Variants in CCSER1 observed in about 807,000 individuals in gnomAD.
CCSER1 encodes serine-rich coiled-coil domain-containing protein 1.
In CCSER1, 41 loss-of-function variants were observed where a neutral mutation model predicts 82.0. The ratio of observed to expected loss-of-function variants is 0.50; its 90% CI spans 0.39 to 0.65. The LOEUF is 0.65. CCSER1 is among the 30% of genes least tolerant of loss of function. The probability of loss-of-function intolerance (pLI) is 0.00; values close to 1 mark genes in which losing one functional copy is unlikely to be tolerated. For missense variants in CCSER1, 1,119 were observed against 1,064.2 expected, an observed-to-expected ratio of 1.05 and a Z score of -0.72; for synonymous variants, 414 against 383.9, an observed-to-expected ratio of 1.08 and a Z score of -0.92.
chr4:91,039,720 T>C (rs1741792301), intron 9 of CCSER1, among the ~76,000 whole-genome samples: 1 of 151,910 alleles, frequency 6.6e-6, no homozygotes, highest in Admixed American at 6.6e-5. Context: ...TGAGTATCTT[T>C]CTGTAAAAAA....
chr4:90,952,764 C>A lies in CCSER1; in HGVS notation c.2172+29317C>A, dbSNP rs114640853. Reference sequence around the variant, plus strand: ...TTTTCAGTCCCTCACTTTCCTGTGACAAGTTTTGACCAAGATATCTAGGAA... The same window carrying A: ...TTTTCAGTCCCTCACTTTCCTGTGAAAAGTTTTGACCAAGATATCTAGGAA... On this transcript the variant is annotated intron_variant, in intron 9 of 10. Transcript: ENST00000509176. Among the ~76,000 whole-genome samples the A allele has an allele frequency of 8.2e-3, 1,251 of 152,048 alleles. 26 individuals are homozygous for A. Among genetic ancestry groups the A allele is most frequent in the African/African-American group, 0.029 (1,196 of 41,502 alleles).
At chr4:90,484,770 A>T (rs1312219850) in intron 5 of CCSER1, among the ~76,000 whole-genome samples, 1 of 152,050 alleles carries the variant, frequency 6.6e-6, no homozygotes, top group Non-Finnish European at 1.5e-5. Context: ...GCTGTGTGAT[A>T]TGTCAATCTG....
chr4:91,534,900 A>G (rs1199418024), intron 10 of CCSER1, among the ~76,000 whole-genome samples: 1 of 151,808 alleles, frequency 6.6e-6, no homozygotes, highest in Non-Finnish European at 1.5e-5. Context: ...ACAATCCAAC[A>G]TTCTTCTATT....
At chr4:90,704,576 G>A (rs749320356) in intron 6 of CCSER1, among the ~76,000 whole-genome samples, 2 of 152,148 alleles carry the variant, frequency 1.3e-5, no homozygotes, top group Admixed American at 1.3e-4. Flanking sequence ...TGTTTTCCAA[G>A]TTGGTTCCAT....
intron 1 of CCSER1, among the ~76,000 whole-genome samples, chr4:90,224,248 A>G (rs1742705952): frequency 6.6e-6 from 1 of 152,184 alleles, no homozygotes; most frequent in Non-Finnish European, 1.5e-5. Context: ...ACATATGACA[A>G]GGGAATTTCT....
intron 10 of CCSER1, among the ~76,000 whole-genome samples, chr4:91,480,366 A>C (rs868690131): frequency 7.2e-5 from 11 of 152,208 alleles, no homozygotes; most frequent in East Asian, 1.9e-4. Flanking sequence ...CCAACAGTGT[A>C]AAAGTGTTCC....
chr4:90,234,485 AG>A (rs1371491362), intron 1 of CCSER1, among the ~76,000 whole-genome samples: 1 of 152,082 alleles, frequency 6.6e-6, no homozygotes, highest in Non-Finnish European at 1.5e-5. Flanking sequence ...CCAAAGTGCT[AG>A]GATTACAGGC....
rs1733751375 is a variant in CCSER1 at position 90,304,169 on chromosome 4, G to C, written c.-41-4075G>C. Among the ~76,000 whole-genome samples, 5 of 152,284 alleles carry C rather than the reference G, an allele frequency of 3.3e-5. No individual in the cohort carries two copies. In the South Asian group the frequency reaches 1.0e-3, roughly 32 times the overall value. On this transcript the variant is annotated intron_variant, in intron 1 of 10. Coordinates refer to ENST00000509176, the MANE Select transcript of CCSER1 (RefSeq NM_001145065.2). ...AACAACAGATGCTGGAGAGGATGTGGAGAAATAGGAACACTTTTACACTGT... is the reference window on the plus strand; with the variant it reads ...AACAACAGATGCTGGAGAGGATGTGCAGAAATAGGAACACTTTTACACTGT...
intron 10 of CCSER1, chr4:91,325,021 A>G (rs1746453275): frequency 2.7e-6 from 1 of 371,526 alleles, no homozygotes. Flanking sequence ...TTCTAGTGAT[A>G]GTGAATGGAA....
intron 10 of CCSER1, among the ~76,000 whole-genome samples, chr4:91,249,078 T>C (rs1483548210): frequency 6.6e-6 from 1 of 152,148 alleles, no homozygotes; most frequent in Non-Finnish European, 1.5e-5. Flanking sequence ...AATCACTGTA[T>C]AAATCACATA....
intron 10 of CCSER1, among the ~76,000 whole-genome samples, chr4:91,218,147 G>C (rs912189129): frequency 1.3e-5 from 2 of 152,244 alleles, no homozygotes; most frequent in Non-Finnish European, 2.9e-5. Flanking sequence ...GCGAGAAATC[G>C]AGCACAGCAC....
chr4:90,208,751 G>A (rs530934721), intron 1 of CCSER1, among the ~76,000 whole-genome samples: 35 of 152,212 alleles, frequency 2.3e-4, no homozygotes, highest in Non-Finnish European at 4.3e-4. Context: ...CCCTTGGCTA[G>A]GGGAGGGAGT....
At chr4:90,803,179 T>G (rs992536275) in intron 7 of CCSER1, among the ~76,000 whole-genome samples, 1 of 151,948 alleles carries the variant, frequency 6.6e-6, no homozygotes, top group Non-Finnish European at 1.5e-5. Context: ...TTAGAAATTA[T>G]TATTTGTTTT....
chr4:91,096,119 G>A (rs531973943), intron 10 of CCSER1, among the ~76,000 whole-genome samples: 1 of 152,300 alleles, frequency 6.6e-6, no homozygotes, highest in South Asian at 2.1e-4. Flanking sequence ...AATATAAAAA[G>A]CACACCTTTC....
intron 10 of CCSER1, among the ~76,000 whole-genome samples, chr4:91,310,277 G>A (rs148711632): frequency 6.6e-6 from 1 of 151,572 alleles, no homozygotes; most frequent in African/African-American, 2.4e-5. Flanking sequence ...GTTATTCCCT[G>A]CCCTGCTGTG....
intron 1 of CCSER1, among the ~76,000 whole-genome samples, chr4:90,233,095 A>T (rs915538457): frequency 4.6e-5 from 7 of 152,076 alleles, no homozygotes; most frequent in African/African-American, 7.2e-5. Flanking sequence ...AACTAGAAAT[A>T]CCATTTGACC....
chr4:90,405,236 G>C (rs1753544267), intron 4 of CCSER1, among the ~76,000 whole-genome samples: 1 of 151,906 alleles, frequency 6.6e-6, no homozygotes, highest in South Asian at 2.1e-4. Context: ...TTCAGCAATA[G>C]AATCAAACAA....
At chr4:90,129,239 T>G (rs1325127234) in intron 1 of CCSER1, among the ~76,000 whole-genome samples, 3 of 151,988 alleles carry the variant, frequency 2.0e-5, no homozygotes, top group Admixed American at 2.0e-4. Flanking sequence ...AGAGGACACC[T>G]AGGTGGGGGT....
chr4:91,289,818 AC>A (rs1743609991), intron 10 of CCSER1, among the ~76,000 whole-genome samples: 1 of 152,086 alleles, frequency 6.6e-6, no homozygotes, highest in Non-Finnish European at 1.5e-5. Context: ...AAAAATGGCC[AC>A]AAATTTTCTA....
Sources: gnomAD v4.1 joint callset for allele counts (sites outside exome capture counted in the v4.1 genomes callset) on GRCh38, gnomAD v4.1.1 for gene constraint, MANE v1.5 for transcripts, NCBI Gene and HGNC (gene_info 2026-07-23, HGNC 2026-07-21) for gene names.